Variants in ATP2B2 observed in about 807,000 individuals in gnomAD.
ATP2B2 encodes ATPase plasma membrane Ca2+ transporting 2, also known as plasma membrane calcium-transporting ATPase 2.
A neutral mutation model predicts 120.0 loss-of-function variants in ATP2B2; 15 were observed. The observed-to-expected ratio is 0.12, with a 90% CI of 0.08 to 0.19. The LOEUF (loss-of-function observed/expected upper bound fraction) is 0.19. ATP2B2 is among the 10% of genes least tolerant of loss of function. The pLI, the probability that ATP2B2 is intolerant of heterozygous loss-of-function variation, is 1.00. For synonymous variants in ATP2B2, 694 were observed against 700.3 expected (o/e 0.99, Z 0.14); for missense variants, 1,045 against 1,719.8 (o/e 0.61, Z 6.94).
At chr3:10,547,222 C>T (rs1000881583) in intron 2 of ATP2B2, among the ~76,000 whole-genome samples, 28 of 152,192 alleles carry the variant, frequency 1.8e-4, no homozygotes, top group Admixed American at 6.5e-4. Flanking sequence ...TGGGACTCAG[C>T]GGCTCTGGTT....
chr3:10,620,677 C>T (rs1336593628), intron 1 of ATP2B2, among the ~76,000 whole-genome samples: 1 of 152,156 alleles, frequency 6.6e-6, no homozygotes, highest in Non-Finnish European at 1.5e-5. Flanking sequence ...AAGCATCCAG[C>T]CAGCCCAAGG....
At chr3:10,357,491 C>A (rs2060770098) in intron 14 of ATP2B2, among the ~76,000 whole-genome samples, 1 of 152,150 alleles carries the variant, frequency 6.6e-6, no homozygotes, top group South Asian at 2.1e-4. Flanking sequence ...GGGCCAGGAA[C>A]TTGGAGGTCA....
chr3:10,487,591 T>C (rs965341407), intron 1 of ATP2B2, among the ~76,000 whole-genome samples: 4 of 152,244 alleles, frequency 2.6e-5, no homozygotes, highest in South Asian at 2.1e-4. Flanking sequence ...AGGCAGGGAC[T>C]GTGTCTGGTT....
At chr3:10,498,096 G>A (rs773561035) in intron 1 of ATP2B2, among the ~76,000 whole-genome samples, 11 of 152,230 alleles carry the variant, frequency 7.2e-5, no homozygotes, top group Non-Finnish European at 1.6e-4. Context: ...CAGTTGTCAG[G>A]CACAACCTGG....
intron 3 of ATP2B2, among the ~76,000 whole-genome samples, chr3:10,522,693 G>C (rs1320209810): frequency 6.6e-6 from 1 of 152,226 alleles, no homozygotes; most frequent in Non-Finnish European, 1.5e-5. Flanking sequence ...GGGATCTACA[G>C]CTGATGGTGC....
At chr3:10,600,647 A>C (rs2068883731) in intron 2 of ATP2B2, among the ~76,000 whole-genome samples, 1 of 152,176 alleles carries the variant, frequency 6.6e-6, no homozygotes, top group African/African-American at 2.4e-5. Context: ...CTGGTTCCTA[A>C]TCAGTGGGAT....
chr3:10,683,475 T>C (rs527358828), intron 1 of ATP2B2, among the ~76,000 whole-genome samples: 3 of 152,008 alleles, frequency 2.0e-5, no homozygotes, highest in Admixed American at 6.6e-5. Flanking sequence ...AAGGGGAATA[T>C]GGTAATTGAA....
intron 2 of ATP2B2, among the ~76,000 whole-genome samples, chr3:10,445,456 G>T (rs9813091): frequency 0.015 from 2,265 of 152,318 alleles, 62 homozygotes; most frequent in African/African-American, 0.052. Context: ...AACAGTGGAA[G>T]AGGAAAGGAG....
At chr3:10,590,540 T>C (rs1052655425) in intron 2 of ATP2B2, among the ~76,000 whole-genome samples, 3 of 152,218 alleles carry the variant, frequency 2.0e-5, no homozygotes, top group Non-Finnish European at 4.4e-5. Context: ...GGCTGGCAGG[T>C]GCCTGCCTCC....
chr3:10,478,892 T>A (rs1417736649), intron 1 of ATP2B2, among the ~76,000 whole-genome samples: 2 of 152,050 alleles, frequency 1.3e-5, no homozygotes, highest in East Asian at 3.9e-4. Flanking sequence ...ATGGGGGTGG[T>A]TTTCTCCATG....
rs150971107 is a variant in ATP2B2 at position 10,643,008 on chromosome 3, G to A, written c.-459-23047C>T. Among the ~76,000 whole-genome samples the A allele has an allele frequency of 3.2e-4, 48 of 152,300 alleles. No homozygotes were observed. In the East Asian group the frequency reaches 7.5e-3, roughly 24 times the overall value. On this transcript the variant is annotated intron_variant, in intron 1 of 21. Coordinates refer to the ATP2B2 transcript ENST00000646379. ...GACTGGGGCAGGCCAGGTTCAGGAT[G>A]AGCCAGGAACATCTTGTTATGCCGG...
intron 2 of ATP2B2, among the ~76,000 whole-genome samples, chr3:10,550,286 C>T (rs1207407605): frequency 1.3e-5 from 2 of 152,086 alleles, no homozygotes; most frequent in Non-Finnish European, 2.9e-5. Context: ...AATAATGCAA[C>T]AGAACAATTT....
At position 10,347,052 on chromosome 3, in the gene ATP2B2, C is replaced by T. The variant is rs564372916; in HGVS notation, c.2405-915G>A. Among the ~76,000 whole-genome samples the T allele has an allele frequency of 1.4e-4, 21 of 152,276 alleles. No individual in the cohort carries two copies. Among genetic ancestry groups the T allele is most frequent in the African/African-American group, 3.6e-4 (15 of 41,544 alleles). On this transcript the variant is annotated intron_variant, in intron 16 of 22. Transcript: ENST00000360273. This position sits in a 1 kb window ranked among gnomAD's most constrained non-coding sequence, Gnocchi z 5.2. ...CTAACACCCATGTCTGAACCAGTTC[C>T]GTCCCCCAGCCATCCCCGGAATGTC... is the stretch of plus-strand genomic sequence containing the variant.
chr3:10,575,121 C>T (rs541439536), intron 2 of ATP2B2, among the ~76,000 whole-genome samples: 134 of 152,226 alleles, frequency 8.8e-4, no homozygotes, highest in African/African-American at 2.8e-3. Flanking sequence ...CCTTTCCGCC[C>T]GGGGGAGAAA....
intron 2 of ATP2B2, among the ~76,000 whole-genome samples, chr3:10,568,909 C>T (rs976608255): frequency 2.0e-5 from 3 of 152,130 alleles, no homozygotes; most frequent in East Asian, 1.9e-4. Flanking sequence ...CCCTACCAGC[C>T]GACAGTGTCA....
intron 12 of ATP2B2, among the ~76,000 whole-genome samples, chr3:10,364,269 G>A (rs924610141): frequency 6.6e-6 from 1 of 152,176 alleles, no homozygotes; most frequent in African/African-American, 2.4e-5. Context: ...CAGAGTTTTA[G>A]TTTTGCAACC....
chr3:10,568,112 G>A (rs1179729279), intron 2 of ATP2B2, among the ~76,000 whole-genome samples: 2 of 152,176 alleles, frequency 1.3e-5, no homozygotes, highest in Non-Finnish European at 2.9e-5. Context: ...GGCGAGCCTG[G>A]TCCTGCCCAG....
intron 1 of ATP2B2, among the ~76,000 whole-genome samples, chr3:10,474,901 C>A (rs989644324): frequency 2.0e-5 from 3 of 152,390 alleles, no homozygotes; most frequent in African/African-American, 7.2e-5. Flanking sequence ...AGCGGGCTGA[C>A]CTGTCTCTGT....
At chr3:10,478,648 C>T (rs1030118) in intron 1 of ATP2B2, among the ~76,000 whole-genome samples, 13,986 of 152,234 alleles carry the variant, frequency 0.092, 1,114 homozygotes, top group African/African-American at 0.22. Context: ...CAGCAGCCAC[C>T]CCTGCCTCTT....
Sources: allele counts gnomAD v4.1 joint callset (sites outside exome capture counted in the v4.1 genomes callset), GRCh38; gene constraint gnomAD v4.1.1; non-coding constraint Gnocchi (gnomAD v3.1); transcripts MANE v1.5; gene names NCBI Gene and HGNC (gene_info 2026-07-23, HGNC 2026-07-21).